PLOD2: variants seen among roughly 807,000 people sequenced by gnomAD.
PLOD2 encodes procollagen-lysine,2-oxoglutarate 5-dioxygenase 2, also known as lysine hydroxylase 2.
A neutral mutation model predicts 101.0 loss-of-function variants in PLOD2; 65 were observed. That is an observed-to-expected ratio of 0.64 (90% CI 0.53 to 0.79). The LOEUF is 0.79. Among genes scored for constraint, PLOD2 ranks in the 30% least tolerant of loss-of-function variants. The pLI, the probability that PLOD2 is intolerant of heterozygous loss-of-function variation, is 0.00. For synonymous variants in PLOD2, 314 were observed against 302.9 expected, an observed-to-expected ratio of 1.04 and a Z score of -0.38; for missense variants, 909 against 914.6, an observed-to-expected ratio of 0.99 and a Z score of 0.08.
At chr3:146,105,497 A>G (rs1937520947) in intron 5 of PLOD2, among the ~76,000 whole-genome samples, 1 of 152,142 alleles carries the variant, frequency 6.6e-6, no homozygotes, top group African/African-American at 2.4e-5. Flanking sequence ...TTTTCTCAAC[A>G]CCCATAATCT....
chr3:146,083,016 A>G (rs112603557), intron 11 of PLOD2, among the ~76,000 whole-genome samples: 359 of 152,330 alleles, frequency 2.4e-3, no homozygotes, highest in Non-Finnish European at 4.1e-3. Flanking sequence ...TTGAATACCT[A>G]CAATACTGGA....
At chr3:146,145,222 G>C (rs1166407026) in intron 1 of PLOD2, among the ~76,000 whole-genome samples, 2 of 152,076 alleles carry the variant, frequency 1.3e-5, no homozygotes, top group African/African-American at 4.8e-5. Flanking sequence ...AAAAGCAAAT[G>C]TTTTTAGCTG....
At chr3:146,126,786 ATTAG>A (rs1186897222) in intron 1 of PLOD2, among the ~76,000 whole-genome samples, 2 of 151,188 alleles carry the variant, frequency 1.3e-5, no homozygotes, top group Admixed American at 6.6e-5. Flanking sequence ...ATGTTGAGAA[ATTAG>A]TTAATTTTTT....
intron 1 of PLOD2, among the ~76,000 whole-genome samples, chr3:146,159,651 T>G (rs1296285724): frequency 1.3e-5 from 2 of 152,240 alleles, no homozygotes; most frequent in African/African-American, 4.8e-5. Flanking sequence ...AGAAATATTT[T>G]TAAATTATGC....
At chr3:146,103,851 A>T (rs1014214412) in intron 6 of PLOD2, among the ~76,000 whole-genome samples, 2 of 150,688 alleles carry the variant, frequency 1.3e-5, no homozygotes, top group Admixed American at 6.6e-5. Context: ...ACACACACAC[A>T]CACACACACA....
chr3:146,130,556 T>C (rs1224792818), intron 1 of PLOD2, among the ~76,000 whole-genome samples: 1 of 152,206 alleles, frequency 6.6e-6, no homozygotes. Context: ...CATTTCAGAA[T>C]GAGTGGACTC....
At chr3:146,079,088 T>G (rs1168758694) in intron 13 of PLOD2, 28 bp downstream of exon 13, 1 of 1,608,326 alleles carries the variant, frequency 6.2e-7, no homozygotes, top group Non-Finnish European at 8.5e-7. Context: ...ATAAGAACAT[T>G]CAAGCAAGCC....
chr3:146,071,057 C>A lies in PLOD2; in HGVS notation c.2106G>T (p.Val702=). The A allele has an allele frequency of 6.2e-7, 1 of 1,607,804 alleles. No individual in the cohort carries two copies. Among genetic ancestry groups the A allele is most frequent in the South Asian group, 1.1e-5 (1 of 90,798 alleles). ...TFTINIALNN[V]GEDFQGGGCK... is the part of the protein sequence containing the mutation. ...TCATAATTACCTGAAAGTCTTCTCC[C>A]ACGTTATTAAGTGCAATGTTTATGG... Residue 702 remains valine (V), a synonymous_variant, in exon 19 of 20, where the codon GTG becomes GTT. Transcript: ENST00000282903.
At position 146,086,783 on chromosome 3, in the gene PLOD2, A is replaced by G. The variant is rs766861495; in HGVS notation, c.1127+4T>C. On this transcript the variant is annotated splice_donor_region_variant and intron_variant, in intron 10 of 19. Transcript: ENST00000282903. ...TAATTTAATTTTAATTTATTAAAAC[A>G]TACATTCCCATGTTTCTGGCTTCCG... is the stretch of plus-strand genomic sequence containing the variant. 8.3e-6 allele frequency: 12 copies of G among 1,443,890 alleles called. No individual in the cohort carries two copies. Among genetic ancestry groups the G allele is most frequent in the Non-Finnish European group, 9.4e-6 (10 of 1,067,052 alleles). 89.4% of individuals were successfully genotyped at this position (1,443,890 alleles called of 1,614,324 possible). A position where few individuals can be genotyped will look rare whatever the true frequency, so the allele number is the denominator to read the frequency against.
At position 146,076,865 on chromosome 3, in the gene PLOD2, C is replaced by T. The variant is rs773230412; in HGVS notation, c.1594G>A (p.Glu532Lys). 4 of 1,573,706 alleles carry T rather than the reference C, an allele frequency of 2.5e-6. No individual in the cohort carries two copies. The highest frequency in any genetic ancestry group is 3.5e-6 in the Non-Finnish European group (4 of 1,144,726). ...GVFMYISNRH[E>K]FGRLLSTANY... ...GCAGTGGATAATAGCCTTCCAAATTCATGTCTATTAGAAATGTACATAAAT... is the reference window on the plus strand; with the variant it reads ...GCAGTGGATAATAGCCTTCCAAATTTATGTCTATTAGAAATGTACATAAAT... Residue 532 changes from glutamate (E) to lysine (K), a missense_variant, in exon 15 of 20, where the codon GAA (glutamate) becomes AAA (lysine). Coordinates refer to ENST00000282903, the MANE Select transcript of PLOD2 (RefSeq NM_182943.3).
At chr3:146,142,764 A>G (rs1223975206) in intron 1 of PLOD2, among the ~76,000 whole-genome samples, 1 of 152,128 alleles carries the variant, frequency 6.6e-6, no homozygotes, top group Non-Finnish European at 1.5e-5. Flanking sequence ...GCTACATTCA[A>G]AATAAAGCTT....
At chr3:146,159,210 T>G (rs1286713942) in intron 1 of PLOD2, among the ~76,000 whole-genome samples, 1 of 152,238 alleles carries the variant, frequency 6.6e-6, no homozygotes, top group African/African-American at 2.4e-5. Context: ...TGACCAGTCC[T>G]CAGATTTAAA....
intron 2 of PLOD2, among the ~76,000 whole-genome samples, chr3:146,123,742 C>A (rs2030358699): frequency 1.7e-5 from 2 of 118,278 alleles, no homozygotes; most frequent in Admixed American, 1.7e-4. Flanking sequence ...TATGCAAATA[C>A]ATATTAACTT....
intron 1 of PLOD2, 29 bp downstream of exon 1, chr3:146,160,851 CG>C: frequency 7.0e-7 from 1 of 1,421,258 alleles, no homozygotes; most frequent in Non-Finnish European, 9.7e-7. Context: ...CCGAGCCTCG[CG>C]GGACAGCGGC....
chr3:146,086,878 A>G lies in PLOD2; in HGVS notation c.1036T>C (p.Phe346Leu). The stretch of plus-strand genomic sequence containing the variant: ...ATTTCATGCTTAGCTTTATCAAAAA[A>G]TACCTTGATGTCCTTTTCATGATAA... Reference protein sequence around the residue: ...EVYHEKDIKVFFDKAKHEIKT... With the variant: ...EVYHEKDIKVLFDKAKHEIKT... Residue 346 changes from phenylalanine (F) to leucine (L), a missense_variant, in exon 10 of 20, where the codon TTT (phenylalanine) becomes CTT (leucine). Phe to Leu is a conservative substitution (Grantham distance 22, BLOSUM62 0). Transcript: ENST00000282903. 6.6e-7 allele frequency: 1 copy of G among 1,522,812 alleles called. No individual in the cohort carries two copies. Among genetic ancestry groups the G allele is most frequent in the Non-Finnish European group, 9.0e-7 (1 of 1,110,112 alleles). 94.3% of individuals were successfully genotyped at this position (1,522,812 alleles called of 1,614,324 possible). A position where few individuals can be genotyped will look rare whatever the true frequency, so the allele number is the denominator to read the frequency against.
chr3:146,100,857 G>T (rs1937363562), intron 7 of PLOD2, among the ~76,000 whole-genome samples: 1 of 152,158 alleles, frequency 6.6e-6, no homozygotes, highest in Non-Finnish European at 1.5e-5. Context: ...CATTATATAG[G>T]TGAGTAGAGT....
intron 15 of PLOD2, 193 bp downstream of exon 15, chr3:146,076,588 CA>C: frequency 2.3e-6 from 1 of 435,764 alleles, no homozygotes; most frequent in Admixed American, 4.2e-5. Flanking sequence ...TAGCCTCACC[CA>C]TATCTGTTGT....
chr3:146,136,306 T>C (rs577089789), intron 1 of PLOD2, among the ~76,000 whole-genome samples: 2 of 152,272 alleles, frequency 1.3e-5, no homozygotes, highest in African/African-American at 2.4e-5. Flanking sequence ...ATATTACAGG[T>C]TGAGCATTCC....
Position 146,085,171 on chromosome 3 carries a change from G to C in PLOD2, c.1230C>G (p.Asn410Lys), listed in dbSNP as rs769818869. The C allele has an allele frequency of 8.5e-6, 12 of 1,403,748 alleles. No individual in the cohort carries two copies. The highest frequency in any genetic ancestry group is 1.2e-5 in the Non-Finnish European group (12 of 989,446). The allele number at this position is 1,403,748 out of a possible 1,614,324, so 87.0% of individuals were successfully genotyped here. A position where few individuals can be genotyped will look rare whatever the true frequency, so the allele number is the denominator to read the frequency against. Residue 410 changes from asparagine (N) to lysine (K), a missense_variant and splice_region_variant, in exon 11 of 20, where the codon AAC (asparagine) becomes AAG (lysine). Coordinates refer to ENST00000282903, the MANE Select transcript of PLOD2 (RefSeq NM_182943.3). ...TGATATCGAATTTTAGAAAGTACCT[G>C]TTTTGTTCAATCAAAATTTTTAAAG... ...PRTLKILIEQ[N>K]RKIIAPLVTR...
Sources: allele counts gnomAD v4.1 joint callset (sites outside exome capture counted in the v4.1 genomes callset), GRCh38; gene constraint gnomAD v4.1.1; transcripts MANE v1.5; gene names NCBI Gene and HGNC (gene_info 2026-07-23, HGNC 2026-07-21).